Variants in ZNF75A observed in about 807,000 individuals in gnomAD.
ZNF75A encodes zinc finger protein 75A.
ZNF75A carries 36 observed loss-of-function variants against 46.3 expected under a neutral mutation model. The ratio of observed to expected loss-of-function variants is 0.78; its 90% CI spans 0.60 to 1.03. ZNF75A has a LOEUF of 1.03. Among genes scored for constraint, ZNF75A ranks in the 50% least tolerant of loss-of-function variants. The pLI, the probability that ZNF75A is intolerant of heterozygous loss-of-function variation, is 0.00. For missense variants in ZNF75A, 595 were observed against 551.3 expected, an observed-to-expected ratio of 1.08 and a Z score of -0.79; for synonymous variants, 234 against 189.9, an observed-to-expected ratio of 1.23 and a Z score of -1.91.
At position 3,317,485 on chromosome 16, in the gene ZNF75A, C is replaced by T; in HGVS notation, c.1230C>T (p.Thr410=). 1 of 1,613,978 alleles carries T rather than the reference C, an allele frequency of 6.2e-7. No individual in the cohort carries two copies. The highest frequency in any genetic ancestry group is 8.5e-7 in the Non-Finnish European group (1 of 1,179,976). Residue 410 remains threonine, a synonymous_variant, in exon 7 of 7, where the codon ACC becomes ACT. Coordinates refer to ENST00000669516, the MANE Select transcript of ZNF75A (RefSeq NM_001302109.2). ...TTAAATGTCAGGAATGTGGGAAAAC[C>T]TTCAGAGTTAGCTCTGACCTTATTA... ...KPFKCQECGK[T]FRVSSDLIKH... is the part of the protein sequence containing the mutation.
downstream of ZNF75A, among the ~76,000 whole-genome samples, chr16:3,320,977 C>T (rs562371194): frequency 6.6e-5 from 10 of 152,242 alleles, no homozygotes; most frequent in Non-Finnish European, 1.3e-4. Flanking sequence ...GGGGGAAAGT[C>T]GTAGCTTAGC....
intron 2 of ZNF75A, chr16:3,311,064 T>C (rs556767396): frequency 3.7e-6 from 2 of 539,952 alleles, no homozygotes; most frequent in Admixed American, 1.3e-4. Flanking sequence ...ATTTGAATTT[T>C]AGAGAAAACT....
At position 3,318,612 on chromosome 16, in the gene ZNF75A, A is replaced by T. The variant is rs532483166; in HGVS notation, c.*743A>T. 5.9e-5 allele frequency: 58 copies of T among 985,480 alleles called. No homozygotes were observed. In the South Asian group the frequency reaches 2.3e-3, roughly 40 times the overall value. The allele number at this position is 985,480 out of a possible 1,614,324, so 61.0% of individuals were successfully genotyped here. A position where few individuals can be genotyped will look rare whatever the true frequency, so the allele number is the denominator to read the frequency against. On this transcript the variant is annotated 3_prime_UTR_variant, in exon 7 of 7. Transcript: ENST00000669516. ...GCAATGTCAGTAGGATAAAGCAGCT[A>T]TAAAAATTAGTACTTGCCCAAGGCC...
chr16:3,322,625 T>C (rs1163863180), downstream of ZNF75A, among the ~76,000 whole-genome samples: 1 of 152,228 alleles, frequency 6.6e-6, no homozygotes, highest in Non-Finnish European at 1.5e-5. Flanking sequence ...TAATGAATCT[T>C]GAGTTGCACC....
At chr16:3,310,915 G>A in intron 2 of ZNF75A, 1 of 985,402 alleles carries the variant, frequency 1.0e-6, no homozygotes, top group Non-Finnish European at 1.2e-6. Context: ...ATACAGGGCA[G>A]GACCTATGTT....
chr16:3,312,024 T>C (rs969834418), intron 3 of ZNF75A, 76 bp downstream of exon 3: 10 of 763,816 alleles, frequency 1.3e-5, no homozygotes, highest in African/African-American at 5.7e-5. Flanking sequence ...TCATGGGCAT[T>C]TTTTGAATAC....
chr16:3,313,938 C>A (rs1398736198), intron 5 of ZNF75A, among the ~76,000 whole-genome samples: 13 of 152,160 alleles, frequency 8.5e-5, no homozygotes, highest in Non-Finnish European at 4.4e-5. Context: ...TTGTCAAGTT[C>A]ATTTTTACCC....
At chr16:3,316,680 C>T (rs1961230261) in intron 5 of ZNF75A, 1 of 366,388 alleles carries the variant, frequency 2.7e-6, no homozygotes, top group South Asian at 4.7e-5. Context: ...TTCCCATTCC[C>T]TATATCCTTT....
chr16:3,311,558 T>G (rs1275583123), intron 2 of ZNF75A, 195 bp from the exon 3 acceptor site: 1 of 155,996 alleles, frequency 6.4e-6, no homozygotes, highest in African/African-American at 2.4e-5. Context: ...TTGTTTCCTT[T>G]CACCCTAGTT....
chr16:3,322,242 A>G (rs766788565), downstream of ZNF75A, among the ~76,000 whole-genome samples: 12 of 152,166 alleles, frequency 7.9e-5, no homozygotes, highest in Admixed American at 2.0e-4. Context: ...CCACCCAAAC[A>G]AAAAGCATAC....
intron 5 of ZNF75A, chr16:3,314,821 G>A (rs1386338204): frequency 1.0e-6 from 1 of 985,238 alleles, no homozygotes; most frequent in African/African-American, 1.7e-5. Context: ...CACTCAGAAG[G>A]CCCTCTACAA....
chr16:3,318,673 C>G lies in ZNF75A; in HGVS notation c.*804C>G. 7 of 985,384 alleles carry G rather than the reference C, an allele frequency of 7.1e-6. No homozygotes were observed. The South Asian group carries it at 3.3e-4, about 46-fold the overall frequency. 61.0% of individuals were successfully genotyped at this position (985,384 alleles called of 1,614,324 possible). Reference sequence around the variant, plus strand: ...TTAGTGGGAATTAAGATCAACTTCTCAGTTTTGTTTGTTTACTTTTTAATT... The same window carrying G: ...TTAGTGGGAATTAAGATCAACTTCTGAGTTTTGTTTGTTTACTTTTTAATT... On this transcript the variant is annotated 3_prime_UTR_variant, in exon 7 of 7. Coordinates refer to ENST00000669516, the MANE Select transcript of ZNF75A (RefSeq NM_001302109.2).
intron 2 of ZNF75A, 126 bp from the exon 3 acceptor site, chr16:3,311,627 C>G (rs1467657482): frequency 6.7e-6 from 2 of 299,618 alleles, no homozygotes; most frequent in Non-Finnish European, 9.8e-6. Context: ...CTCTTTAAGC[C>G]TTTTTTTGTC....
chr16:3,311,007 T>G, intron 2 of ZNF75A: 1 of 917,572 alleles, frequency 1.1e-6, no homozygotes, highest in Non-Finnish European at 1.3e-6. Flanking sequence ...AAACCTTCGC[T>G]GGCTATAGGG....
chr16:3,320,620 C>T (rs1961491790), downstream of ZNF75A, among the ~76,000 whole-genome samples: 2 of 152,188 alleles, frequency 1.3e-5, no homozygotes, highest in African/African-American at 2.4e-5. Flanking sequence ...CCCTATCTGG[C>T]CTTATTCCAC....
downstream of ZNF75A, among the ~76,000 whole-genome samples, chr16:3,322,223 A>G (rs965828039): frequency 1.3e-5 from 2 of 152,222 alleles, no homozygotes. Context: ...TGTTTGTCCC[A>G]GTAGAAATCC....
In ZNF75A at chr16:3,318,564, C is replaced by G; in HGVS notation, c.*695C>G. Reference sequence around the variant, plus strand: ...AAAGAATTTTCTGCAATAAAAGAAACTAGACTTGTTAATCCCTGCCTTGCA... The same window carrying G: ...AAAGAATTTTCTGCAATAAAAGAAAGTAGACTTGTTAATCCCTGCCTTGCA... On this transcript the variant is annotated 3_prime_UTR_variant, in exon 7 of 7. Transcript: ENST00000669516. The G allele has an allele frequency of 1.0e-6, 1 of 985,406 alleles. No homozygotes were observed. Among genetic ancestry groups the G allele is most frequent in the East Asian group, 1.1e-4 (1 of 8,818 alleles). 61.0% of individuals were successfully genotyped at this position (985,406 alleles called of 1,614,324 possible).
intron 5 of ZNF75A, chr16:3,315,010 T>C (rs1961095903): frequency 3.0e-6 from 3 of 984,994 alleles, no homozygotes; most frequent in Non-Finnish European, 2.4e-6. Context: ...AGGGTGTAGG[T>C]GGTGTATCCA....
At position 3,318,204 on chromosome 16, in the gene ZNF75A, A is replaced by G. The variant is rs1027714187; in HGVS notation, c.*335A>G. On this transcript the variant is annotated 3_prime_UTR_variant, in exon 7 of 7. Transcript: ENST00000669516. ...TCTCTTCACAGTAGCAGGCTTACCA[A>G]TTTCCATAGTCTCATGAGGCCGAAA... 115 of 1,029,066 alleles carry G rather than the reference A, an allele frequency of 1.1e-4. No homozygotes were observed. The highest frequency in any genetic ancestry group is 1.3e-4 in the Non-Finnish European group (110 of 859,002). The allele number at this position is 1,029,066 out of a possible 1,614,324, so 63.7% of individuals were successfully genotyped here. A position where few individuals can be genotyped will look rare whatever the true frequency, so the allele number is the denominator to read the frequency against.
Sources: gnomAD v4.1 joint callset for allele counts (sites outside exome capture counted in the v4.1 genomes callset) on GRCh38, gnomAD v4.1.1 for gene constraint, MANE v1.5 for transcripts, NCBI Gene and HGNC (gene_info 2026-07-23, HGNC 2026-07-21) for gene names.